The following HS3ST4 variants were observed in gnomAD, a reference collection of about 807,000 sequenced individuals.
The protein encoded by HS3ST4 is heparan sulfate glucosamine 3-O-sulfotransferase 4.
A neutral mutation model predicts 29.2 loss-of-function variants in HS3ST4; 17 were observed. The ratio of observed to expected loss-of-function variants is 0.58; its 90% CI spans 0.40 to 0.87. The LOEUF is 0.87. Ranked by LOEUF, HS3ST4 falls within the 40% of genes least tolerant of loss-of-function variation. The probability of loss-of-function intolerance (pLI) is 0.00; values close to 1 mark genes in which losing one functional copy is unlikely to be tolerated. For synonymous variants in HS3ST4, 314 were observed against 285.7 expected, an observed-to-expected ratio of 1.10 and a Z score of -1.00; for missense variants, 627 against 634.5, an observed-to-expected ratio of 0.99 and a Z score of 0.13.
At chr16:25,860,021 T>A (rs116734800) in intron 1 of HS3ST4, among the ~76,000 whole-genome samples, 3,000 of 152,282 alleles carry the variant, frequency 0.02, 95 homozygotes, top group African/African-American at 0.066. Context: ...GAACTGTGCA[T>A]GCGAGGGATC....
chr16:26,040,451 A>G (rs1969627050), intron 1 of HS3ST4, among the ~76,000 whole-genome samples: 1 of 151,952 alleles, frequency 6.6e-6, no homozygotes, highest in African/African-American at 2.4e-5. Flanking sequence ...TTACAGGCGC[A>G]TGCCAACACG....
chr16:25,834,476 A>G (rs1338367288), intron 1 of HS3ST4, among the ~76,000 whole-genome samples: 2 of 152,210 alleles, frequency 1.3e-5, no homozygotes, highest in Non-Finnish European at 2.9e-5. Context: ...TCTTACAATG[A>G]ACAGGACTAC....
At chr16:26,120,956 C>G (rs762421498) in intron 1 of HS3ST4, among the ~76,000 whole-genome samples, 1 of 152,212 alleles carries the variant, frequency 6.6e-6, no homozygotes, top group African/African-American at 2.4e-5. Context: ...ATAATTAACA[C>G]GCGTACTGAG....
intron 1 of HS3ST4, among the ~76,000 whole-genome samples, chr16:26,084,610 A>C (rs542420249): frequency 6.6e-6 from 1 of 151,870 alleles, no homozygotes; most frequent in Non-Finnish European, 1.5e-5. Context: ...TGGTTGAAAA[A>C]AATTTTTTTT....
chr16:25,713,529 A>AAAACAAAC lies in HS3ST4; in HGVS notation c.734+20404_734+20411dup, dbSNP rs60981273. Among the ~76,000 whole-genome samples, 1,448 of 150,604 alleles carry AAAACAAAC rather than the reference A, an allele frequency of 9.6e-3. 18 individuals carry two copies. The highest frequency in any genetic ancestry group is 0.034 in the African/African-American group (1,383 of 40,930). Reference sequence around the variant, plus strand: ...GGTGACAAGGCAAGACCCTGTCTCAAAAACAAACAAACAAACAAACAAACA... The same window carrying AAAACAAAC: ...GGTGACAAGGCAAGACCCTGTCTCAAAAACAAACAAACAAACAAACAAACAAACAAACA... On this transcript the variant is annotated intron_variant, in intron 1 of 1. Transcript: ENST00000331351.
chr16:25,909,033 T>C (rs1968208613), intron 1 of HS3ST4, among the ~76,000 whole-genome samples: 1 of 152,178 alleles, frequency 6.6e-6, no homozygotes, highest in Non-Finnish European at 1.5e-5. Flanking sequence ...CTGAGGCTGA[T>C]GGCATCATTC....
At chr16:25,893,975 G>A (rs1482000565) in intron 1 of HS3ST4, among the ~76,000 whole-genome samples, 9 of 152,166 alleles carry the variant, frequency 5.9e-5, no homozygotes, top group Non-Finnish European at 1.5e-5. Flanking sequence ...ATTTCTTCCA[G>A]GTTTTAAACC....
chr16:26,081,936 T>C (rs981865265), intron 1 of HS3ST4, among the ~76,000 whole-genome samples: 1 of 151,866 alleles, frequency 6.6e-6, no homozygotes, highest in Non-Finnish European at 1.5e-5. Context: ...GCTGGAATTA[T>C]AGGGATGCAC....
At chr16:25,903,394 T>TCA (rs1029659535) in intron 1 of HS3ST4, among the ~76,000 whole-genome samples, 47 of 94,564 alleles carry the variant, frequency 5.0e-4, no homozygotes, top group African/African-American at 1.7e-3. Flanking sequence ...AAATCACATA[T>TCA]CACACACACA....
chr16:25,780,403 T>C (rs920119501), intron 1 of HS3ST4, among the ~76,000 whole-genome samples: 2 of 152,240 alleles, frequency 1.3e-5, no homozygotes, highest in African/African-American at 4.8e-5. Flanking sequence ...ACTGACTGTC[T>C]GTCTCTCTCT....
intron 1 of HS3ST4, among the ~76,000 whole-genome samples, chr16:25,768,620 G>A (rs1268952187): frequency 6.6e-6 from 1 of 152,094 alleles, no homozygotes; most frequent in Non-Finnish European, 1.5e-5. Context: ...GGGTAACTTT[G>A]GGTCTAAAGC....
chr16:25,782,404 C>A (rs867993423), intron 1 of HS3ST4, among the ~76,000 whole-genome samples: 1 of 152,190 alleles, frequency 6.6e-6, no homozygotes, highest in South Asian at 2.1e-4. Context: ...CTGTCTCCTT[C>A]CCCCAAGTTG....
intron 1 of HS3ST4, among the ~76,000 whole-genome samples, chr16:25,817,901 G>C (rs1290454989): frequency 6.6e-6 from 1 of 152,136 alleles, no homozygotes; most frequent in East Asian, 1.9e-4. Context: ...ACATCATTTA[G>C]GTAATACCTT....
chr16:25,936,422 A>T (rs1162937163), intron 1 of HS3ST4, among the ~76,000 whole-genome samples: 1 of 152,242 alleles, frequency 6.6e-6, no homozygotes, highest in African/African-American at 2.4e-5. Context: ...GTTGACATTT[A>T]GTAGGAACTC....
At position 26,115,162 on chromosome 16, in the gene HS3ST4, A is replaced by G. The variant is rs1899184170; in HGVS notation, c.735-20450A>G. Among the ~76,000 whole-genome samples, 4 of 150,118 alleles carry G rather than the reference A, an allele frequency of 2.7e-5. No individual in the cohort carries two copies. The South Asian group carries it at 8.6e-4, about 32-fold the overall frequency. ...TGTGTCAACATACTCCCACACATAC[A>G]CTGACACTCACCCAAAACACTATTA... On this transcript the variant is annotated intron_variant, in intron 1 of 1. Coordinates refer to ENST00000331351, the MANE Select transcript of HS3ST4 (RefSeq NM_006040.3).
chr16:25,706,577 C>G (rs1363563667), intron 1 of HS3ST4, among the ~76,000 whole-genome samples: 14 of 152,078 alleles, frequency 9.2e-5, no homozygotes. Context: ...GTTCCCCTCC[C>G]TGTGTCCATG....
intron 1 of HS3ST4, among the ~76,000 whole-genome samples, chr16:25,779,468 G>A (rs1034651016): frequency 2.0e-5 from 3 of 152,120 alleles, no homozygotes; most frequent in East Asian, 1.9e-4. Flanking sequence ...CATTTCATTC[G>A]TTTGCTCATT....
At chr16:26,072,827 C>G in intron 1 of HS3ST4, among the ~76,000 whole-genome samples, 1 of 152,110 alleles carries the variant, frequency 6.6e-6, no homozygotes, top group East Asian at 1.9e-4. Flanking sequence ...TTAGAAAACT[C>G]TTATTGTCTA....
chr16:25,695,028 A>G (rs1381353124), intron 1 of HS3ST4, among the ~76,000 whole-genome samples: 1 of 152,188 alleles, frequency 6.6e-6, no homozygotes, highest in African/African-American at 2.4e-5. Flanking sequence ...ATTTTCCTAG[A>G]TTCCTTTATG....
Sources: gnomAD v4.1 joint callset for allele counts (sites outside exome capture counted in the v4.1 genomes callset) on GRCh38, gnomAD v4.1.1 for gene constraint, MANE v1.5 for transcripts, NCBI Gene and HGNC (gene_info 2026-07-23, HGNC 2026-07-21) for gene names.